The following MB variants were observed in gnomAD, a reference collection of about 807,000 sequenced individuals.
The protein encoded by MB is nitrite reductase MB.
Under a neutral mutation model 14.5 loss-of-function variants are expected in MB, and 10 were observed. That is an observed-to-expected ratio of 0.69 (90% confidence interval 0.43 to 1.17). The LOEUF is 1.17. MB is among the 50% of genes most tolerant of loss of function. MB has a pLI of 0.00. For synonymous variants in MB, 89 were observed against 78.6 expected, an observed-to-expected ratio of 1.13 and a Z score of -0.70; for missense variants, 169 against 192.7, an observed-to-expected ratio of 0.88 and a Z score of 0.73.
rs1922240087 is a variant in MB at position 35,607,449 on chromosome 22, G to A, written c.319-6C>T. The A allele has an allele frequency of 1.2e-6, 2 of 1,612,804 alleles. No homozygotes were observed. Among genetic ancestry groups the A allele is most frequent in the Non-Finnish European group, 1.7e-6 (2 of 1,179,008 alleles). On this transcript the variant is annotated splice_polypyrimidine_tract_variant and splice_region_variant and intron_variant, in intron 2 of 2. Transcript: ENST00000397326. Reference sequence around the variant, plus strand: ...ATGATGCATTCCGAGATGAACTGCAGGGAGGGTGAGGAGAGAAAATGGTCA... The same window carrying A: ...ATGATGCATTCCGAGATGAACTGCAAGGAGGGTGAGGAGAGAAAATGGTCA...
At chr22:35,613,862 C>G (rs916599135) in intron 1 of MB, among the ~76,000 whole-genome samples, 2 of 152,216 alleles carry the variant, frequency 1.3e-5, no homozygotes, top group African/African-American at 4.8e-5. Flanking sequence ...ATCATTCCGG[C>G]ACCACACAGC....
chr22:35,607,718 G>A (rs762927665), intron 2 of MB, among the ~76,000 whole-genome samples: 4 of 152,130 alleles, frequency 2.6e-5, no homozygotes, highest in South Asian at 2.1e-4. Context: ...CAGGAGGGCC[G>A]GCTCCGGAGC....
At chr22:35,615,310 G>C (rs1157294564) in intron 1 of MB, among the ~76,000 whole-genome samples, 1 of 152,166 alleles carries the variant, frequency 6.6e-6, no homozygotes, top group Admixed American at 6.5e-5. Flanking sequence ...CAAATACTGA[G>C]AGGGCAGAAC....
At chr22:35,617,055 C>A in intron 1 of MB, 108 bp downstream of exon 1, 1 of 814,812 alleles carries the variant, frequency 1.2e-6, no homozygotes. Context: ...ACACCCTTAA[C>A]TAATGCAGCC....
chr22:35,620,688 G>A (rs767975804), upstream of MB, among the ~76,000 whole-genome samples: 8 of 152,196 alleles, frequency 5.3e-5, no homozygotes, highest in East Asian at 1.9e-4. Flanking sequence ...AGATTGAGAC[G>A]CAATGTGCGG....
At chr22:35,614,646 C>T (rs1279635985) in intron 1 of MB, among the ~76,000 whole-genome samples, 5 of 152,184 alleles carry the variant, frequency 3.3e-5, no homozygotes, top group Non-Finnish European at 7.3e-5. Flanking sequence ...TGTTGTCAGG[C>T]TTCAGTGAGT....
chr22:35,621,388 A>C (rs1923449550), upstream of MB, among the ~76,000 whole-genome samples: 1 of 152,176 alleles, frequency 6.6e-6, no homozygotes, highest in African/African-American at 2.4e-5. Flanking sequence ...TGGAATCTTG[A>C]GATCCCAGAA....
rs1019841090 is a variant in MB at position 35,614,273 on chromosome 22, T to C, written c.95+2890A>G. ...GCCCGTCTTGCGTGTGGCAAGGTCA[T>C]GGGGCAGTATAGCATAGTGGTCAAG... is the stretch of plus-strand genomic sequence containing the variant. On this transcript the variant is annotated intron_variant, in intron 1 of 2. Transcript: ENST00000397326. 1.6e-4 allele frequency among the ~76,000 whole-genome samples: 25 copies of C among 152,252 alleles called. 1 individual carries two copies. Among genetic ancestry groups the C allele is most frequent in the Middle Eastern group, 3.4e-3 (1 of 294 alleles).
upstream of MB, among the ~76,000 whole-genome samples, chr22:35,620,058 G>A (rs567456583): frequency 5.9e-5 from 9 of 152,204 alleles, no homozygotes; most frequent in East Asian, 1.9e-4. Flanking sequence ...ATGGGGGGCC[G>A]GGCGTGGTGG....
chr22:35,617,423 C>T (rs1923160591), upstream of MB: 1 of 604,496 alleles, frequency 1.7e-6, no homozygotes, highest in Non-Finnish European at 3.0e-6. Flanking sequence ...TGCCCTCCTT[C>T]ACTTTCTCTC....
chr22:35,608,642 T>C lies in MB; in HGVS notation c.319-1199A>G, dbSNP rs372348938. Among the ~76,000 whole-genome samples, 2 of 152,166 alleles carry C rather than the reference T, an allele frequency of 1.3e-5. No homozygotes were observed. Among genetic ancestry groups the C allele is most frequent in the African/African-American group, 4.8e-5 (2 of 41,442 alleles). ...GAATGCCACAAAACAAAGTGGGGGC[T>C]CAGGGTGTCATGGAGCAAGCCCTGT... On this transcript the variant is annotated intron_variant, in intron 2 of 2. Coordinates refer to ENST00000397326, the MANE Select transcript of MB (RefSeq NM_005368.3). The surrounding 1 kb of genome is among the most constrained non-coding windows in gnomAD (Gnocchi z 4.3).
Position 35,617,318 on chromosome 22 carries a change from CA to C in MB, c.-62del. On this transcript the variant is annotated 5_prime_UTR_variant, in exon 1 of 3. Coordinates refer to ENST00000397326, the MANE Select transcript of MB (RefSeq NM_005368.3). ...GGCTCACTGGGTGTCCTGGCCCCAA[CA>C]GCTGGGGTTTGAGGCTGCCTGGTCC... The C allele has an allele frequency of 8.6e-6, 12 of 1,401,518 alleles. No homozygotes were observed. The highest frequency in any genetic ancestry group is 1.4e-5 in the African/African-American group (1 of 71,020). The allele number at this position is 1,401,518 out of a possible 1,614,324, so 86.8% of individuals were successfully genotyped here.
intron 2 of MB, 136 bp from the exon 3 acceptor site, chr22:35,607,579 C>T (rs1212767418): frequency 4.0e-6 from 3 of 755,252 alleles, no homozygotes; most frequent in Non-Finnish European, 4.3e-6. Flanking sequence ...AGGTGAGAGT[C>T]TGTGTGATCT....
chr22:35,611,575 A>C (rs1922633477), intron 1 of MB, among the ~76,000 whole-genome samples: 1 of 152,154 alleles, frequency 6.6e-6, no homozygotes. Flanking sequence ...CCTACCTGTG[A>C]GGGCCATTCC....
At chr22:35,610,581 G>C (rs1322166689) in intron 2 of MB, among the ~76,000 whole-genome samples, 1 of 152,152 alleles carries the variant, frequency 6.6e-6, no homozygotes, top group East Asian at 1.9e-4. Context: ...TATGATAATG[G>C]TACCTACCCA....
chr22:35,607,631 A>T (rs1489492930), intron 2 of MB, among the ~76,000 whole-genome samples, 188 bp from the exon 3 acceptor site: 1 of 152,180 alleles, frequency 6.6e-6, no homozygotes, highest in Non-Finnish European at 1.5e-5. Flanking sequence ...ACTGTGAGAT[A>T]GATACTACAA....
chr22:35,617,545 G>A (rs1221041987), upstream of MB: 3 of 396,916 alleles, frequency 7.6e-6, no homozygotes, highest in Non-Finnish European at 1.4e-5. Context: ...CAGGGGGTGG[G>A]GTGGTTGTGC....
chr22:35,613,024 C>T (rs1348883748), intron 1 of MB, among the ~76,000 whole-genome samples: 1 of 152,246 alleles, frequency 6.6e-6, no homozygotes, highest in African/African-American at 2.4e-5. Flanking sequence ...ATTGCCACCT[C>T]GCTCCAGGAC....
intron 1 of MB, among the ~76,000 whole-genome samples, chr22:35,616,279 A>T (rs979533637): frequency 2.0e-5 from 3 of 152,156 alleles, no homozygotes; most frequent in Admixed American, 1.3e-4. Context: ...CAACGAGGAG[A>T]TGAGCTTCTA....
Sources: gnomAD v4.1 joint callset for allele counts (sites outside exome capture counted in the v4.1 genomes callset) on GRCh38, gnomAD v4.1.1 for gene constraint, Gnocchi (gnomAD v3.1) non-coding constraint, MANE v1.5 for transcripts, NCBI Gene and HGNC (gene_info 2026-07-23, HGNC 2026-07-21) for gene names.